OTOF: variants seen among roughly 807,000 people sequenced by gnomAD.
OTOF encodes the protein otoferlin.
A neutral mutation model predicts 236.8 loss-of-function variants in OTOF; 218 were observed. The ratio of observed to expected loss-of-function variants is 0.92; its 90% CI spans 0.82 to 1.03. OTOF has a LOEUF of 1.03. Ranked by LOEUF, OTOF falls within the 50% of genes least tolerant of loss-of-function variation. The pLI is 0.00. For missense variants in OTOF, 2,590 were observed against 2,694.4 expected (o/e 0.96, Z 0.86); for synonymous variants, 1,041 against 1,072.5 (o/e 0.97, Z 0.57).
intron 1 of OTOF, among the ~76,000 whole-genome samples, chr2:26,554,647 G>A (rs1667543044): frequency 6.6e-6 from 1 of 151,744 alleles, no homozygotes; most frequent in South Asian, 2.1e-4. Context: ...TCTCAAGGTG[G>A]AGGGTGGTCA....
chr2:26,463,281 G>A (rs1420955451), intron 41 of OTOF, among the ~76,000 whole-genome samples: 1 of 152,234 alleles, frequency 6.6e-6, no homozygotes, highest in Non-Finnish European at 1.5e-5. Flanking sequence ...AGCACGTGGG[G>A]ACTCTCCAGG....
intron 30 of OTOF, among the ~76,000 whole-genome samples, chr2:26,471,994 T>G (rs1227595141): frequency 6.6e-6 from 1 of 151,386 alleles, no homozygotes; most frequent in Non-Finnish European, 1.5e-5. Context: ...TGCACACACA[T>G]ATGCACACAC....
intron 9 of OTOF, among the ~76,000 whole-genome samples, chr2:26,493,607 C>T (rs1014687322): frequency 3.9e-5 from 6 of 152,132 alleles, no homozygotes; most frequent in Non-Finnish European, 7.3e-5. Context: ...GTACTGGCAT[C>T]CAACCTGCGA....
Position 26,519,092 on chromosome 2 carries a change from C to CGGAA in OTOF, c.241_244dup (p.Arg82LeufsTer18). ...CTCTACCACCTTCTGCAGCACCATG[C>CGGAA]GGAAGGTCCCGATGAGCCTGGGGAT... is the stretch of plus-strand genomic sequence containing the variant. On this transcript the variant is annotated frameshift_variant, in exon 4 of 47. Transcript: ENST00000272371. LOFTEE classifies it high-confidence loss of function. The CGGAA allele has an allele frequency of 4.4e-6, 7 of 1,603,152 alleles. No homozygotes were observed. The highest frequency in any genetic ancestry group is 6.0e-6 in the Non-Finnish European group (7 of 1,173,096).
chr2:26,544,892 T>A (rs1214006844), intron 1 of OTOF, among the ~76,000 whole-genome samples: 2 of 147,390 alleles, frequency 1.4e-5, no homozygotes, highest in African/African-American at 5.2e-5. Context: ...AAAAAAAAAA[T>A]TAGCCAGGCG....
rs1336758137 is a variant in OTOF at position 26,458,143 on chromosome 2, C to A, written c.*95G>T. On this transcript the variant is annotated 3_prime_UTR_variant, in exon 47 of 47. Transcript: ENST00000272371. Reference sequence around the variant, plus strand: ...CGCCAGCACGATCTTGATGATGAGCCACTTGTACCGGGTGCAGATGAGGTA... The same window carrying A: ...CGCCAGCACGATCTTGATGATGAGCAACTTGTACCGGGTGCAGATGAGGTA... 6.2e-7 allele frequency: 1 copy of A among 1,613,974 alleles called. No homozygotes were observed. Among genetic ancestry groups the A allele is most frequent in the Non-Finnish European group, 8.5e-7 (1 of 1,179,996 alleles).
intron 3 of OTOF, 61 bp from the exon 4 acceptor site, chr2:26,519,170 T>G: frequency 1.8e-6 from 2 of 1,132,964 alleles, no homozygotes; most frequent in Non-Finnish European, 2.6e-6. Flanking sequence ...GGAGCAAGAC[T>G]GACATCCCAA....
chr2:26,530,436 G>T (rs573665508), intron 2 of OTOF, among the ~76,000 whole-genome samples: 1 of 152,144 alleles, frequency 6.6e-6, no homozygotes. Context: ...TCAGAAATTC[G>T]TCAGCCGGGT....
At chr2:26,502,161 G>T in intron 7 of OTOF, 139 bp downstream of exon 7, 1 of 896,950 alleles carries the variant, frequency 1.1e-6, no homozygotes, top group Non-Finnish European at 1.8e-6. Flanking sequence ...CCAAGGAAAA[G>T]CAGAAAAGGG....
In OTOF at chr2:26,467,355, A is replaced by C; in HGVS notation, c.4227+10T>G. 1 of 1,612,696 alleles carries C rather than the reference A, an allele frequency of 6.2e-7. No homozygotes were observed. Among genetic ancestry groups the C allele is most frequent in the Non-Finnish European group, 8.5e-7 (1 of 1,179,748 alleles). ...ACACACCCTAGAAGGGTCTGCTCCT[A>C]GGCTCTCACCTTAAGCTCATCAATC... On this transcript the variant is annotated intron_variant, in intron 34 of 46. Coordinates refer to ENST00000272371, the MANE Select transcript of OTOF (RefSeq NM_194248.3).
At chr2:26,535,854 G>A (rs985751181) in intron 2 of OTOF, among the ~76,000 whole-genome samples, 17 of 152,208 alleles carry the variant, frequency 1.1e-4, no homozygotes, top group African/African-American at 4.1e-4. Context: ...GAAGAGGAAC[G>A]ACATGGTGAT....
intron 11 of OTOF, among the ~76,000 whole-genome samples, chr2:26,488,678 A>G (rs562543715): frequency 2.2e-4 from 34 of 152,344 alleles, no homozygotes; most frequent in African/African-American, 7.9e-4. Flanking sequence ...CTCTGGGGAC[A>G]CACAGCCTGA....
chr2:26,481,020 G>A lies in OTOF; in HGVS notation c.1580-11C>T, dbSNP rs764280949. The A allele has an allele frequency of 2.5e-6, 4 of 1,606,844 alleles. No homozygotes were observed. The highest frequency in any genetic ancestry group is 1.7e-5 in the Admixed American group (1 of 59,938). ...GTGTGGGCAGGAAGCCTGTGGCAGTGGGAACAAAAATGAGGGGGCAGCGTC... is the reference window on the plus strand; with the variant it reads ...GTGTGGGCAGGAAGCCTGTGGCAGTAGGAACAAAAATGAGGGGGCAGCGTC... On this transcript the variant is annotated splice_polypyrimidine_tract_variant and intron_variant, in intron 14 of 46. Coordinates refer to ENST00000272371, the MANE Select transcript of OTOF (RefSeq NM_194248.3).
chr2:26,522,493 C>T (rs1666700619), intron 3 of OTOF, among the ~76,000 whole-genome samples: 1 of 152,160 alleles, frequency 6.6e-6, no homozygotes, highest in Non-Finnish European at 1.5e-5. Context: ...TGTGGTGACC[C>T]CAGAGGCGAC....
intron 1 of OTOF, among the ~76,000 whole-genome samples, chr2:26,552,780 C>G (rs774668609): frequency 1.3e-5 from 2 of 152,070 alleles, no homozygotes; most frequent in Non-Finnish European, 2.9e-5. Context: ...GGGGCATATC[C>G]GTTAGGACTA....
chr2:26,471,221 A>C (rs1423081717), intron 30 of OTOF, 71 bp from the exon 31 acceptor site: 2 of 1,565,308 alleles, frequency 1.3e-6, no homozygotes, highest in Non-Finnish European at 1.8e-6. Context: ...GTGGCCTAGC[A>C]CAGGGTGTGT....
At chr2:26,550,868 C>T (rs1007380150) in intron 1 of OTOF, among the ~76,000 whole-genome samples, 8 of 152,144 alleles carry the variant, frequency 5.3e-5, no homozygotes, top group Non-Finnish European at 1.0e-4. Flanking sequence ...AAAGACCCTC[C>T]GTGTTTGGCT....
In OTOF at chr2:26,477,516, G is replaced by C; in HGVS notation, c.2316-10C>G. The C allele has an allele frequency of 2.5e-6, 4 of 1,599,028 alleles. No homozygotes were observed. The highest frequency in any genetic ancestry group is 3.4e-6 in the Non-Finnish European group (4 of 1,173,282). On this transcript the variant is annotated splice_polypyrimidine_tract_variant and intron_variant, in intron 19 of 46. Coordinates refer to ENST00000272371, the MANE Select transcript of OTOF (RefSeq NM_194248.3). This position sits in a 1 kb window ranked among gnomAD's most constrained non-coding sequence, Gnocchi z 4.7. ...GAGGGAGAGGAAGCGGCTGGGGGTA[G>C]GGCGAGCCGGGGTTTAGCGAGCCTG...
chr2:26,536,479 G>A (rs1667072174), intron 2 of OTOF, among the ~76,000 whole-genome samples: 1 of 152,122 alleles, frequency 6.6e-6, no homozygotes, highest in Non-Finnish European at 1.5e-5. Flanking sequence ...TGTGGTGCTG[G>A]GCCGCGATGG....
Sources: allele counts gnomAD v4.1 joint callset (sites outside exome capture counted in the v4.1 genomes callset), GRCh38; gene constraint gnomAD v4.1.1; non-coding constraint Gnocchi (gnomAD v3.1); transcripts MANE v1.5; gene names NCBI Gene and HGNC (gene_info 2026-07-23, HGNC 2026-07-21).